Variants in AP1S3 observed in about 807,000 individuals in gnomAD.
The protein encoded by AP1S3 is adaptor related protein complex 1 subunit sigma 3, also known as AP-1 complex subunit sigma-3.
AP1S3 carries 10 observed loss-of-function variants against 20.9 expected under a neutral mutation model. The observed-to-expected ratio is 0.48, with a 90% CI of 0.29 to 0.81. AP1S3 has a LOEUF of 0.81. AP1S3 is among the 30% of genes least tolerant of loss of function. AP1S3 has a pLI of 0.08. For synonymous variants in AP1S3, 41 were observed against 61.5 expected (o/e 0.67, Z 1.56); for missense variants, 154 against 183.8 (o/e 0.84, Z 0.94).
At chr2:223,759,677 G>A (rs1690305786) in intron 4 of AP1S3, among the ~76,000 whole-genome samples, 1 of 152,140 alleles carries the variant, frequency 6.6e-6, no homozygotes, top group African/African-American at 2.4e-5. Context: ...AGGTAAACGT[G>A]TATCATGGGG....
intron 1 of AP1S3, among the ~76,000 whole-genome samples, chr2:223,801,775 C>T (rs1253264957): frequency 6.6e-6 from 1 of 152,040 alleles, no homozygotes; most frequent in Non-Finnish European, 1.5e-5. Flanking sequence ...GCTCCCTCTG[C>T]CCCATCTAAT....
intron 1 of AP1S3, among the ~76,000 whole-genome samples, chr2:223,833,837 C>T (rs993707784): frequency 7.2e-5 from 11 of 152,336 alleles, no homozygotes; most frequent in African/African-American, 2.6e-4. Context: ...ACCTGTTAAA[C>T]TCCGGGACAG....
chr2:223,768,234 T>C (rs1350903806), intron 3 of AP1S3, among the ~76,000 whole-genome samples: 1 of 152,178 alleles, frequency 6.6e-6, no homozygotes, highest in Non-Finnish European at 1.5e-5. Flanking sequence ...TTCTGCACAT[T>C]CCAACAATTC....
intron 1 of AP1S3, among the ~76,000 whole-genome samples, chr2:223,814,845 C>T (rs562589054): frequency 1.4e-4 from 21 of 152,322 alleles, no homozygotes; most frequent in African/African-American, 4.8e-4. Flanking sequence ...GGCACGATCA[C>T]AGCTCACTGC....
intron 1 of AP1S3, among the ~76,000 whole-genome samples, chr2:223,816,684 G>A (rs965546512): frequency 1.3e-5 from 2 of 152,160 alleles, no homozygotes; most frequent in Non-Finnish European, 2.9e-5. Flanking sequence ...ATCAAATGCC[G>A]TTTTCACATA....
chr2:223,759,562 T>C (rs926979786), intron 4 of AP1S3, among the ~76,000 whole-genome samples: 1 of 152,084 alleles, frequency 6.6e-6, no homozygotes, highest in Non-Finnish European at 1.5e-5. Context: ...CAGGAAAAAA[T>C]GTATAGTTTC....
Position 223,758,550 on chromosome 2 carries a change from T to G in AP1S3, c.*165A>C. The G allele has an allele frequency of 7.5e-7, 1 of 1,338,936 alleles. No homozygotes were observed. The highest frequency in any genetic ancestry group is 9.6e-7 in the Non-Finnish European group (1 of 1,045,022). The allele number at this position is 1,338,936 out of a possible 1,614,324, so 82.9% of individuals were successfully genotyped here. On this transcript the variant is annotated 3_prime_UTR_variant, in exon 5 of 5. Transcript: ENST00000396654. The stretch of plus-strand genomic sequence containing the variant: ...TTTTTTTAATAATACAGACACATAG[T>G]AATTATAAATATGTTAAACAACTTT...
Position 223,758,186 on chromosome 2 carries a change from G to A in AP1S3, c.*529C>T. ...TCAGCACATTAAAATCAGACATTTT[G>A]TATGTGAATTGCAGTTACAGTACTA... On this transcript the variant is annotated 3_prime_UTR_variant, in exon 5 of 5. Coordinates refer to ENST00000396654, the MANE Select transcript of AP1S3 (RefSeq NM_001039569.2). 1.0e-6 allele frequency: 1 copy of A among 980,636 alleles called. No individual in the cohort carries two copies. The highest frequency in any genetic ancestry group is 1.2e-6 in the Non-Finnish European group (1 of 825,218). The allele number at this position is 980,636 out of a possible 1,614,324, so 60.7% of individuals were successfully genotyped here.
chr2:223,795,971 G>A (rs1029517162), intron 1 of AP1S3, among the ~76,000 whole-genome samples: 1 of 152,132 alleles, frequency 6.6e-6, no homozygotes, highest in African/African-American at 2.4e-5. Flanking sequence ...TCAAGAGATC[G>A]AGATCAGCCT....
At chr2:223,831,675 G>T (rs1407899371) in intron 1 of AP1S3, among the ~76,000 whole-genome samples, 4 of 152,192 alleles carry the variant, frequency 2.6e-5, no homozygotes, top group Non-Finnish European at 5.9e-5. Context: ...CCCCAGGGAA[G>T]AAATGAACCA....
intron 1 of AP1S3, among the ~76,000 whole-genome samples, chr2:223,811,653 T>A (rs1341122569): frequency 6.6e-6 from 1 of 152,206 alleles, no homozygotes; most frequent in Non-Finnish European, 1.5e-5. Flanking sequence ...ATTTTTAACA[T>A]TTCCATCTAA....
In AP1S3 at chr2:223,769,736, ATTTTTTTTT is replaced by A. The variant is rs61207667; in HGVS notation, c.292-4395_292-4387del. 2.5e-4 allele frequency among the ~76,000 whole-genome samples: 20 copies of A among 80,146 alleles called. No homozygotes were observed. The East Asian group carries it at 5.7e-3, about 23-fold the overall frequency. The allele number at this position is 80,146 out of a possible 152,430, so 52.6% of individuals were successfully genotyped here. Reference sequence around the variant, plus strand: ...AGAATAATATGCAGAATGCAATCCCATTTTTTTTTTTTTTTTTTTTTTTTTTTGAGACGG... The same window carrying A: ...AGAATAATATGCAGAATGCAATCCCATTTTTTTTTTTTTTTTTTGAGACGG... On this transcript the variant is annotated intron_variant, in intron 3 of 4. Transcript: ENST00000396654.
chr2:223,756,198 G>A lies in AP1S3; in HGVS notation c.*2517C>T, dbSNP rs188895302. ...ACCAAAAATACAAAATTAGCCAGGC[G>A]TGGTGGCGCATGCCTATAATCCCAG... On this transcript the variant is annotated 3_prime_UTR_variant, in exon 5 of 5. Transcript: ENST00000396654. The A allele has an allele frequency of 9.8e-5, 27 of 274,402 alleles. No individual in the cohort carries two copies. The Admixed American group carries it at 1.0e-3, about 11-fold the overall frequency. The allele number at this position is 274,402 out of a possible 1,614,324, so 17.0% of individuals were successfully genotyped here.
intron 1 of AP1S3, among the ~76,000 whole-genome samples, chr2:223,821,637 C>T (rs183205640): frequency 5.1e-4 from 77 of 152,242 alleles, no homozygotes; most frequent in Non-Finnish European, 5.6e-4. Context: ...GATTCGTGAG[C>T]AATGCAGCCA....
rs147674964 is a variant in AP1S3 at position 223,756,439 on chromosome 2, G to A, written c.*2276C>T. 2,783 of 771,700 alleles carry A rather than the reference G, an allele frequency of 3.6e-3. 66 individuals are homozygous for A. The African/African-American group carries it at 0.07, about 19-fold the overall frequency. The allele number at this position is 771,700 out of a possible 1,614,324, so 47.8% of individuals were successfully genotyped here. On this transcript the variant is annotated 3_prime_UTR_variant, in exon 5 of 5. Transcript: ENST00000396654. ...GGAGAGAGAGAGAAGAAGGAAGGAA[G>A]AAAGGAAGGAAAAGAAAGAAAGAAA...
intron 1 of AP1S3, among the ~76,000 whole-genome samples, chr2:223,832,135 C>CTG (rs774812162): frequency 0.087 from 6,155 of 70,460 alleles, 232 homozygotes; most frequent in South Asian, 0.12. Flanking sequence ...AGTTTTCTCT[C>CTG]TGTGTGTGTG....
chr2:223,800,409 G>C (rs1467059334), intron 1 of AP1S3, among the ~76,000 whole-genome samples: 1 of 151,984 alleles, frequency 6.6e-6, no homozygotes, highest in African/African-American at 2.4e-5. Context: ...ACGCACACTT[G>C]TAGTACTACA....
intron 1 of AP1S3, among the ~76,000 whole-genome samples, chr2:223,786,162 G>C (rs1044833537): frequency 2.4e-4 from 37 of 152,146 alleles, no homozygotes; most frequent in African/African-American, 8.9e-4. Flanking sequence ...CTGTGTAACC[G>C]AAGTATCTCC....
At chr2:223,761,357 CCTAG>C (rs1433621020) in intron 4 of AP1S3, among the ~76,000 whole-genome samples, 1 of 152,150 alleles carries the variant, frequency 6.6e-6, no homozygotes, top group African/African-American at 2.4e-5. Context: ...TTAGGGTGCA[CCTAG>C]CAGTTTCGCC....
Sources: allele counts gnomAD v4.1 joint callset (sites outside exome capture counted in the v4.1 genomes callset), GRCh38; gene constraint gnomAD v4.1.1; transcripts MANE v1.5; gene names NCBI Gene and HGNC (gene_info 2026-07-23, HGNC 2026-07-21).